The following ABLIM2 variants were observed in gnomAD, a reference collection of about 807,000 sequenced individuals.
ABLIM2 encodes actin binding LIM protein family member 2.
In ABLIM2, 53 loss-of-function variants were observed where a neutral mutation model predicts 97.7. That is an observed-to-expected ratio of 0.54 (90% CI 0.44 to 0.68). ABLIM2 has a LOEUF of 0.68. ABLIM2 is among the 30% of genes least tolerant of loss of function. The pLI is 0.00. For missense variants in ABLIM2, 835 were observed against 867.2 expected (o/e 0.96, Z 0.47); for synonymous variants, 361 against 345.8 (o/e 1.04, Z -0.49).
intron 2 of ABLIM2, among the ~76,000 whole-genome samples, chr4:8,100,516 G>C (rs903935556): frequency 6.6e-6 from 1 of 152,118 alleles, no homozygotes; most frequent in African/African-American, 2.4e-5. Context: ...GGAGGCTGAG[G>C]GGGGCGGATC....
At chr4:8,091,290 AT>A (rs1436598281) in intron 3 of ABLIM2, among the ~76,000 whole-genome samples, 2 of 51,840 alleles carry the variant, frequency 3.9e-5, no homozygotes, top group South Asian at 4.0e-4. Context: ...ATTATATATA[AT>A]ATTATATATT....
intron 6 of ABLIM2, among the ~76,000 whole-genome samples, chr4:8,063,363 C>A (rs1804722212): frequency 6.6e-6 from 1 of 152,258 alleles, no homozygotes; most frequent in African/African-American, 2.4e-5. Context: ...CCGTGTCCAG[C>A]CTTCTGGGAC....
At chr4:8,144,858 G>A (rs1001126925) in intron 1 of ABLIM2, among the ~76,000 whole-genome samples, 4 of 152,206 alleles carry the variant, frequency 2.6e-5, no homozygotes, top group African/African-American at 7.2e-5. Flanking sequence ...TGCACCATCC[G>A]CAAAAGGGAT....
intron 3 of ABLIM2, among the ~76,000 whole-genome samples, chr4:8,090,804 A>G (rs990673494): frequency 3.6e-4 from 55 of 151,196 alleles, no homozygotes; most frequent in African/African-American, 1.3e-3. Flanking sequence ...CTATTTGCCA[A>G]TATCGATCCT....
intron 10 of ABLIM2, among the ~76,000 whole-genome samples, chr4:8,031,736 T>G: frequency 6.6e-6 from 1 of 151,682 alleles, no homozygotes. Flanking sequence ...ATTTTTTTTT[T>G]TTTTTTGAGA....
chr4:8,093,948 C>G (rs1019442931), intron 3 of ABLIM2, among the ~76,000 whole-genome samples: 1 of 152,128 alleles, frequency 6.6e-6, no homozygotes, highest in South Asian at 2.1e-4. Context: ...GTTGGTCTCC[C>G]TTATCCACCT....
At chr4:8,010,587 T>C in intron 14 of ABLIM2, 1 of 985,162 alleles carries the variant, frequency 1.0e-6, no homozygotes. Context: ...ACTGAGCAGT[T>C]CCGTTCCGAA....
intron 20 of ABLIM2, among the ~76,000 whole-genome samples, chr4:7,976,137 C>T (rs1732841093): frequency 6.6e-6 from 1 of 152,126 alleles, no homozygotes; most frequent in Non-Finnish European, 1.5e-5. Context: ...TAAATTTTTC[C>T]TCTTTTGTGA....
intron 1 of ABLIM2, among the ~76,000 whole-genome samples, chr4:8,111,213 A>G (rs993759639): frequency 1.3e-5 from 2 of 152,268 alleles, no homozygotes; most frequent in Admixed American, 6.5e-5. Context: ...GGGACCCTCA[A>G]TGAATACTGC....
rs776185993 is a variant in ABLIM2 at position 8,032,663 on chromosome 4, C to T, written c.1048-2887G>A. On this transcript the variant is annotated intron_variant, in intron 10 of 20. Transcript: ENST00000447017. The surrounding 1 kb of genome is among the most constrained non-coding windows in gnomAD (Gnocchi z 4.3). ...TGGTGGTTACCTCGGTCGGCGTTGG[C>T]GAGAGCAACTGAGGGGACTGTGGAC... is the stretch of plus-strand genomic sequence containing the variant. The T allele has an allele frequency of 2.8e-5, 45 of 1,612,414 alleles. No homozygotes were observed. The highest frequency in any genetic ancestry group is 3.3e-5 in the Non-Finnish European group (39 of 1,179,826).
intron 12 of ABLIM2, 71 bp from the exon 13 acceptor site, chr4:8,020,374 G>C (rs1298854882): frequency 7.2e-7 from 1 of 1,382,646 alleles, no homozygotes; most frequent in East Asian, 2.4e-5. Flanking sequence ...TTTCAAGCAT[G>C]AAAAGCTTAT....
In ABLIM2 at chr4:8,127,422, C is replaced by T; in HGVS notation, c.11-20785G>A. ...CAGGGCACAACTTGACTGGACCCGT[C>T]CTTTCCCACCAGACCCCTGAAGCTG... On this transcript the variant is annotated intron_variant, in intron 1 of 20. Transcript: ENST00000447017. The surrounding 1 kb of genome is among the most constrained non-coding windows in gnomAD (Gnocchi z 7.3). 1 of 1,185,016 alleles carries T rather than the reference C, an allele frequency of 8.4e-7. No individual in the cohort carries two copies. The highest frequency in any genetic ancestry group is 1.1e-6 in the Non-Finnish European group (1 of 908,252). 73.4% of individuals were successfully genotyped at this position (1,185,016 alleles called of 1,614,324 possible).
rs1040869045 is a variant in ABLIM2 at position 8,068,119 on chromosome 4, A to G, written c.676-7065T>C. Among the ~76,000 whole-genome samples the G allele has an allele frequency of 1.3e-5, 2 of 151,836 alleles. No homozygotes were observed. The highest frequency in any genetic ancestry group is 2.4e-5 in the African/African-American group (1 of 41,326). ...TCGGTACAGTGGCCACATCCTCCCAATTGCCACCCGAGGAGTGCCTGAAAC... is the reference window on the plus strand; with the variant it reads ...TCGGTACAGTGGCCACATCCTCCCAGTTGCCACCCGAGGAGTGCCTGAAAC... On this transcript the variant is annotated intron_variant, in intron 6 of 20. Transcript: ENST00000447017. The surrounding 1 kb of genome is among the most constrained non-coding windows in gnomAD (Gnocchi z 4.5).
At chr4:8,141,201 C>G (rs73799605) in intron 1 of ABLIM2, among the ~76,000 whole-genome samples, 16,065 of 151,970 alleles carry the variant, frequency 0.11, 985 homozygotes, top group Middle Eastern at 0.22. Flanking sequence ...CCCCACCCCC[C>G]GGAGCCCTAA....
intron 20 of ABLIM2, among the ~76,000 whole-genome samples, chr4:7,980,314 T>C (rs1317857322): frequency 2.0e-5 from 3 of 152,154 alleles, no homozygotes; most frequent in African/African-American, 2.4e-5. Context: ...AGCCATAAGA[T>C]ACCAAATTCC....
At chr4:8,081,391 G>A (rs1819723817) in intron 4 of ABLIM2, among the ~76,000 whole-genome samples, 1 of 152,196 alleles carries the variant, frequency 6.6e-6, no homozygotes, top group Non-Finnish European at 1.5e-5. Flanking sequence ...CACTTGTCCT[G>A]TGTCCCAGGG....
At position 8,120,964 on chromosome 4, in the gene ABLIM2, T is replaced by C. The variant is rs369744547; in HGVS notation, c.11-14327A>G. Among the ~76,000 whole-genome samples the C allele has an allele frequency of 3.9e-5, 6 of 152,350 alleles. No homozygotes were observed. The highest frequency in any genetic ancestry group is 1.9e-4 in the East Asian group (1 of 5,186). On this transcript the variant is annotated intron_variant, in intron 1 of 20. Coordinates refer to ENST00000447017, the MANE Select transcript of ABLIM2 (RefSeq NM_001130083.2). This position sits in a 1 kb window ranked among gnomAD's most constrained non-coding sequence, Gnocchi z 5.6. ...AGATCGAAATTCAAAATTCAAAGTA[T>C]GGTTTCTACTGAATGCATATTGTTT...
intron 12 of ABLIM2, among the ~76,000 whole-genome samples, chr4:8,025,025 A>G (rs1036797403): frequency 2.0e-5 from 3 of 152,084 alleles, no homozygotes; most frequent in East Asian, 1.9e-4. Context: ...CGCCTCCTGG[A>G]TTCAAGCAAT....
At chr4:8,077,586 C>T (rs1488713216) in intron 6 of ABLIM2, 42 bp downstream of exon 6, 2 of 1,547,842 alleles carry the variant, frequency 1.3e-6, no homozygotes, top group African/African-American at 2.7e-5. Flanking sequence ...GGCAGTTAGG[C>T]CCTAGCTCAG....
Sources: allele counts gnomAD v4.1 joint callset (sites outside exome capture counted in the v4.1 genomes callset), GRCh38; gene constraint gnomAD v4.1.1; non-coding constraint Gnocchi (gnomAD v3.1); transcripts MANE v1.5; gene names NCBI Gene and HGNC (gene_info 2026-07-23, HGNC 2026-07-21).